The following TBC1D32 variants were observed in gnomAD, a reference collection of about 807,000 sequenced individuals.
TBC1D32 encodes TBC1 domain family member 32, also known as protein broad-minded.
TBC1D32 carries 151 observed loss-of-function variants against 170.3 expected under a neutral mutation model. The observed-to-expected ratio is 0.89, with a 90% CI of 0.78 to 1.01. The LOEUF is 1.01. Among genes scored for constraint, TBC1D32 ranks in the 50% least tolerant of loss-of-function variants. The pLI is 0.00. For missense variants in TBC1D32, 1,464 were observed against 1,457.1 expected, an observed-to-expected ratio of 1.00 and a Z score of -0.08; for synonymous variants, 498 against 488.0, an observed-to-expected ratio of 1.02 and a Z score of -0.27.
At chr6:121,250,445 T>C (rs955579938) in intron 17 of TBC1D32, among the ~76,000 whole-genome samples, 1 of 152,046 alleles carries the variant, frequency 6.6e-6, no homozygotes, top group Non-Finnish European at 1.5e-5. Flanking sequence ...TGCAAATAAA[T>C]AAAAGTAATC....
intron 30 of TBC1D32, among the ~76,000 whole-genome samples, chr6:121,102,808 C>T (rs908565040): frequency 1.3e-5 from 2 of 152,100 alleles, no homozygotes; most frequent in Non-Finnish European, 2.9e-5. Context: ...AGGCAACCTA[C>T]AGAATGAGAG....
At chr6:121,250,017 C>T (rs1395027785) in intron 17 of TBC1D32, among the ~76,000 whole-genome samples, 2 of 151,964 alleles carry the variant, frequency 1.3e-5, no homozygotes, top group Non-Finnish European at 2.9e-5. Context: ...AAAGAGCCCA[C>T]ACAGCCAAAG....
intron 20 of TBC1D32, among the ~76,000 whole-genome samples, chr6:121,235,801 C>A (rs1422726355): frequency 6.6e-6 from 1 of 152,184 alleles, no homozygotes; most frequent in Non-Finnish European, 1.5e-5. Context: ...TGTGGTAGTT[C>A]TTGAAGCAAC....
chr6:121,199,559 ACT>A (rs1791263642), intron 22 of TBC1D32, among the ~76,000 whole-genome samples: 1 of 151,336 alleles, frequency 6.6e-6, no homozygotes, highest in Non-Finnish European at 1.5e-5. Flanking sequence ...TGAATTAGTT[ACT>A]GTCTTCAATC....
At chr6:121,138,555 T>C (rs923975663) in intron 24 of TBC1D32, among the ~76,000 whole-genome samples, 1 of 152,136 alleles carries the variant, frequency 6.6e-6, no homozygotes, top group African/African-American at 2.4e-5. Flanking sequence ...ATAATCTCAG[T>C]CATACTACCA....
At chr6:121,104,791 C>T (rs967163695) in intron 30 of TBC1D32, among the ~76,000 whole-genome samples, 1 of 151,396 alleles carries the variant, frequency 6.6e-6, no homozygotes, top group African/African-American at 2.4e-5. Context: ...AATGGAAAAG[C>T]TTACTATCTT....
intron 10 of TBC1D32, among the ~76,000 whole-genome samples, chr6:121,298,605 A>G (rs1310696737): frequency 6.6e-6 from 1 of 152,104 alleles, no homozygotes. Context: ...TTCTTTAAAA[A>G]TTTTGAAGTA....
chr6:121,258,753 A>G (rs1340829123), intron 15 of TBC1D32, among the ~76,000 whole-genome samples: 1 of 152,180 alleles, frequency 6.6e-6, no homozygotes, highest in Non-Finnish European at 1.5e-5. Context: ...ACTCCACAGA[A>G]GTACACAAAA....
At chr6:121,211,416 C>T (rs1465199382) in intron 21 of TBC1D32, among the ~76,000 whole-genome samples, 2 of 152,070 alleles carry the variant, frequency 1.3e-5, no homozygotes, top group African/African-American at 2.4e-5. Context: ...ACCCATCACC[C>T]AAGCAGTGTA....
intron 31 of TBC1D32, among the ~76,000 whole-genome samples, chr6:121,089,089 T>C (rs1255524651): frequency 4.6e-5 from 7 of 152,150 alleles, no homozygotes; most frequent in Non-Finnish European, 1.0e-4. Flanking sequence ...TTTAGTAATG[T>C]TTGTTATTTG....
intron 13 of TBC1D32, among the ~76,000 whole-genome samples, chr6:121,283,199 C>T (rs768225812): frequency 5.3e-5 from 8 of 151,628 alleles, no homozygotes; most frequent in Non-Finnish European, 1.0e-4. Flanking sequence ...AGGGTTATTT[C>T]CTAGTTTTAG....
intron 24 of TBC1D32, among the ~76,000 whole-genome samples, chr6:121,133,670 T>C (rs570799456): frequency 2.0e-5 from 3 of 152,178 alleles, no homozygotes; most frequent in East Asian, 1.9e-4. Flanking sequence ...GCTACATACA[T>C]ACTCTCTCAT....
Position 121,199,326 on chromosome 6 carries a change from G to T in TBC1D32, c.2570+5749C>A, listed in dbSNP as rs201260503. On this transcript the variant is annotated intron_variant, in intron 22 of 31. Transcript: ENST00000398212. ...GATACAGATTAATATTTATAGGTGT[G>T]AATGGATAATTTTAAATACTGAAGT... is the stretch of plus-strand genomic sequence containing the variant. 7.9e-5 allele frequency among the ~76,000 whole-genome samples: 12 copies of T among 151,310 alleles called. No homozygotes were observed. The East Asian group carries it at 2.1e-3, about 27-fold the overall frequency.
rs1357121528 is a variant in TBC1D32 at position 121,246,856 on chromosome 6, T to G, written c.2019-4517A>C. Among the ~76,000 whole-genome samples, 4 of 151,704 alleles carry G rather than the reference T, an allele frequency of 2.6e-5. 1 individual carries two copies. Among genetic ancestry groups the G allele is most frequent in the Admixed American group, 2.6e-4 (4 of 15,222 alleles). ...ACAAAGAAAAACTCTCCAAGAAATA[T>G]GGGATTATGTAAAATGGCCAAACCT... On this transcript the variant is annotated intron_variant, in intron 17 of 31. Coordinates refer to ENST00000398212, the MANE Select transcript of TBC1D32 (RefSeq NM_152730.6).
At chr6:121,192,707 G>C (rs1790227450) in intron 22 of TBC1D32, among the ~76,000 whole-genome samples, 1 of 152,148 alleles carries the variant, frequency 6.6e-6, no homozygotes, top group East Asian at 1.9e-4. Flanking sequence ...GGAGATGTGT[G>C]GTAGGACCAT....
intron 13 of TBC1D32, among the ~76,000 whole-genome samples, chr6:121,283,250 A>C (rs962739658): frequency 6.6e-6 from 1 of 151,890 alleles, no homozygotes; most frequent in African/African-American, 2.4e-5. Context: ...TTTATTATTA[A>C]GTGTTTTACT....
chr6:121,273,842 C>T (rs1474712698), intron 15 of TBC1D32, among the ~76,000 whole-genome samples: 4 of 152,060 alleles, frequency 2.6e-5, no homozygotes, highest in Non-Finnish European at 5.9e-5. Flanking sequence ...TAATGCAAAA[C>T]GGCAAGCTGT....
chr6:121,172,953 T>G (rs1583066875), intron 22 of TBC1D32, among the ~76,000 whole-genome samples: 1 of 152,306 alleles, frequency 6.6e-6, no homozygotes, highest in East Asian at 1.9e-4. Context: ...TTCAGATGTT[T>G]ATGAGCTCAC....
intron 20 of TBC1D32, among the ~76,000 whole-genome samples, chr6:121,234,847 T>C (rs1158017837): frequency 1.3e-5 from 2 of 152,146 alleles, no homozygotes; most frequent in Non-Finnish European, 2.9e-5. Context: ...GTAGACTACG[T>C]CAGAGGGAAG....
Sources: gnomAD v4.1 joint callset for allele counts (sites outside exome capture counted in the v4.1 genomes callset) on GRCh38, gnomAD v4.1.1 for gene constraint, MANE v1.5 for transcripts, NCBI Gene and HGNC (gene_info 2026-07-23, HGNC 2026-07-21) for gene names.